Variants in RPS6KC1 observed in about 807,000 individuals in gnomAD.
RPS6KC1 encodes the protein inactive ribosomal protein S6 kinase delta-1.
A neutral mutation model predicts 103.8 loss-of-function variants in RPS6KC1; 54 were observed. The ratio of observed to expected loss-of-function variants is 0.52; its 90% CI spans 0.42 to 0.65. RPS6KC1 has a LOEUF of 0.65. RPS6KC1 is among the 30% of genes least tolerant of loss of function. The pLI is 0.00. For missense variants in RPS6KC1, 1,151 were observed against 1,253.8 expected, an observed-to-expected ratio of 0.92 and a Z score of 1.24; for synonymous variants, 439 against 438.7, an observed-to-expected ratio of 1.00 and a Z score of -0.01.
the RPS6KC1 span, among the ~76,000 whole-genome samples, chr1:213,284,885 G>A: frequency 6.6e-6 from 1 of 152,148 alleles, no homozygotes; most frequent in African/African-American, 2.4e-5. Flanking sequence ...CTTCTCAACA[G>A]CATTTTATAG....
the RPS6KC1 span, among the ~76,000 whole-genome samples, chr1:213,745,767 C>T: frequency 6.6e-6 from 1 of 152,172 alleles, no homozygotes; most frequent in African/African-American, 2.4e-5. Context: ...CTTAGTGACT[C>T]CCGTCCTCCC....
the RPS6KC1 span, among the ~76,000 whole-genome samples, chr1:213,763,536 C>G: frequency 6.6e-6 from 1 of 152,166 alleles, no homozygotes; most frequent in Non-Finnish European, 1.5e-5. Context: ...GTCCTTGACT[C>G]TACCTTCCAG....
the RPS6KC1 span, among the ~76,000 whole-genome samples, chr1:213,406,782 G>A: frequency 6.6e-6 from 1 of 152,194 alleles, no homozygotes; most frequent in African/African-American, 2.4e-5. Context: ...TGATGAGGCA[G>A]CCCTACTGAT....
At chr1:213,115,354 GTAT>G (rs1248381889) in intron 4 of RPS6KC1, among the ~76,000 whole-genome samples, 1 of 152,126 alleles carries the variant, frequency 6.6e-6, no homozygotes, top group Admixed American at 6.5e-5. Context: ...GGTGTCTGTA[GTAT>G]TCTCTGATGG....
At chr1:213,321,982 G>C in the RPS6KC1 span, among the ~76,000 whole-genome samples, 1 of 152,182 alleles carries the variant, frequency 6.6e-6, no homozygotes, top group Admixed American at 6.5e-5. Flanking sequence ...GAATGAGTGA[G>C]AGGGGGTAGG....
intron 8 of RPS6KC1, among the ~76,000 whole-genome samples, chr1:213,220,740 A>T (rs1267886203): frequency 6.6e-6 from 1 of 152,234 alleles, no homozygotes; most frequent in Admixed American, 6.5e-5. Context: ...AAAAAGCAGA[A>T]AGCAAAAATG....
chr1:213,819,921 C>T, the RPS6KC1 span: 152 of 152,242 alleles, frequency 1.0e-3, 1 homozygote, highest in African/African-American at 3.4e-3. Flanking sequence ...ACCCATTCAT[C>T]CTCATTTAAC....
At chr1:213,693,851 A>T in the RPS6KC1 span, among the ~76,000 whole-genome samples, 1 of 152,178 alleles carries the variant, frequency 6.6e-6, no homozygotes, top group Non-Finnish European at 1.5e-5. Flanking sequence ...TTAGCTTTCT[A>T]ATCTATTTGT....
At chr1:213,151,973 A>G (rs1291194792) in intron 6 of RPS6KC1, among the ~76,000 whole-genome samples, 1 of 99,200 alleles carries the variant, frequency 1.0e-5, no homozygotes, top group Admixed American at 1.0e-4. Context: ...GGCCGGGCAG[A>G]GGGGCTCCTC....
At chr1:213,554,433 T>G in the RPS6KC1 span, among the ~76,000 whole-genome samples, 1 of 152,224 alleles carries the variant, frequency 6.6e-6, no homozygotes, top group African/African-American at 2.4e-5. Flanking sequence ...CCTTGTAGTA[T>G]AGCCTTGAAT....
rs180797333 is a variant in RPS6KC1, at chr1:213,106,882, G to A, written c.378+2313G>A. Reference sequence around the variant, plus strand: ...ACTAATTATAATTGTACAATTCACCGATTTTCAGTAAATTTATAGAGTTTT... The same window carrying A: ...ACTAATTATAATTGTACAATTCACCAATTTTCAGTAAATTTATAGAGTTTT... On this transcript the variant is annotated intron_variant, in intron 4 of 14. Transcript: ENST00000366960. 5.3e-5 allele frequency among the ~76,000 whole-genome samples: 8 copies of A among 151,950 alleles called. No homozygotes were observed. In the East Asian group the frequency reaches 5.8e-4, roughly 11 times the overall value.
the RPS6KC1 span, among the ~76,000 whole-genome samples, chr1:213,823,100 C>G: frequency 6.6e-6 from 1 of 152,178 alleles, no homozygotes; most frequent in Non-Finnish European, 1.5e-5. Context: ...TAAATCAAAG[C>G]CTTGCTACTT....
intron 8 of RPS6KC1, among the ~76,000 whole-genome samples, chr1:213,226,443 G>A (rs1223007559): frequency 6.6e-6 from 1 of 152,142 alleles, no homozygotes; most frequent in Non-Finnish European, 1.5e-5. Flanking sequence ...TGTGTTCATT[G>A]TAACTCAAAG....
At chr1:213,444,744 C>CAAAA in the RPS6KC1 span, among the ~76,000 whole-genome samples, 1,858 of 87,412 alleles carry the variant, frequency 0.021, 49 homozygotes, top group Non-Finnish European at 0.032. Flanking sequence ...AACTCCAACT[C>CAAAA]AAAAAAAAAA....
the RPS6KC1 span, among the ~76,000 whole-genome samples, chr1:213,532,787 T>G: frequency 6.6e-6 from 1 of 152,150 alleles, no homozygotes; most frequent in African/African-American, 2.4e-5. Flanking sequence ...GTCATGGATT[T>G]GGGAACTCAA....
chr1:213,613,764 C>T, the RPS6KC1 span, among the ~76,000 whole-genome samples: 3 of 152,136 alleles, frequency 2.0e-5, no homozygotes, highest in African/African-American at 7.2e-5. Context: ...GGGCAAAGGG[C>T]AAGTTGGCTG....
chr1:213,532,966 G>A, the RPS6KC1 span, among the ~76,000 whole-genome samples: 1 of 152,210 alleles, frequency 6.6e-6, no homozygotes, highest in Non-Finnish European at 1.5e-5. Context: ...CAGAGGGAGA[G>A]TGAAAGGAAG....
the RPS6KC1 span, among the ~76,000 whole-genome samples, chr1:213,317,072 G>A: frequency 7.9e-5 from 12 of 152,122 alleles, no homozygotes; most frequent in African/African-American, 2.4e-4. Context: ...GCAAAGGAGC[G>A]ATAAAATCGG....
chr1:213,143,285 T>G (rs971826083), intron 6 of RPS6KC1, among the ~76,000 whole-genome samples: 1 of 152,028 alleles, frequency 6.6e-6, no homozygotes, highest in African/African-American at 2.4e-5. Context: ...TAGAAGTGTT[T>G]ATAGTGTCTC....
Sources: gnomAD v4.1 joint callset for allele counts (sites outside exome capture counted in the v4.1 genomes callset) on GRCh38, gnomAD v4.1.1 for gene constraint, MANE v1.5 for transcripts, NCBI Gene and HGNC (gene_info 2026-07-23, HGNC 2026-07-21) for gene names.